The following USP11 variants were observed in gnomAD, a reference collection of about 807,000 sequenced individuals.
USP11 encodes ubiquitin carboxyl-terminal hydrolase 11.
USP11 carries 5 observed loss-of-function variants against 72.8 expected under a neutral mutation model. The observed-to-expected ratio is 0.07, with a 90% confidence interval of 0.04 to 0.14. USP11 has a LOEUF of 0.14. Ranked by LOEUF, USP11 falls within the 10% of genes least tolerant of loss-of-function variation. The pLI is 1.00. For missense variants in USP11, 480 were observed against 794.7 expected (o/e 0.60, Z 4.76); for synonymous variants, 368 against 326.5 (o/e 1.13, Z -1.37).
At chrX:47,242,804 C>A in intron 12 of USP11, 84 bp downstream of exon 12, 1 of 748,161 alleles carries the variant, frequency 1.3e-6, no homozygotes, top group Non-Finnish European at 2.1e-6. Context: ...ACCACCTTCT[C>A]TCTTCCCTGC....
In USP11 at chrX:47,243,621, G is replaced by A. The variant is rs770482016; in HGVS notation, c.1790+19G>A. ...GGCTCTCGTAAGTGTCCTCTTCCCCGGGGGTGGGGGGCGGAGGGGTCTGAA... is the reference window on the plus strand; with the variant it reads ...GGCTCTCGTAAGTGTCCTCTTCCCCAGGGGTGGGGGGCGGAGGGGTCTGAA... On this transcript the variant is annotated intron_variant, in intron 13 of 20. Coordinates refer to ENST00000377107, the MANE Select transcript of USP11 (RefSeq NM_001371072.1). 9.1e-6 allele frequency: 11 copies of A among 1,202,458 alleles called. No individual in the cohort carries two copies. The highest frequency in any genetic ancestry group is 2.3e-4 in the Middle Eastern group (1 of 4,354).
chrX:47,235,554 G>A (rs2055368211), intron 1 of USP11, among the ~76,000 whole-genome samples: 1 of 110,347 alleles, frequency 9.1e-6, no homozygotes, highest in South Asian at 3.8e-4. Context: ...CCTTTATGAA[G>A]CTGGTCTCCT....
At position 47,247,756 on chromosome X, in the gene USP11, C is replaced by T. The variant is rs749846925; in HGVS notation, c.2626-37C>T. ...TCCTTTCTGATTCCACCTCCCCACC[C>T]CCACAATCCACACTGACTCCTGTCC... On this transcript the variant is annotated intron_variant, in intron 20 of 20. Coordinates refer to ENST00000377107, the MANE Select transcript of USP11 (RefSeq NM_001371072.1). The T allele has an allele frequency of 1.5e-5, 18 of 1,206,297 alleles. No individual in the cohort carries two copies. In the Admixed American group the frequency reaches 2.2e-4, roughly 15 times the overall value.
chrX:47,238,931 G>T (rs1041615265), intron 1 of USP11, 139 bp from the exon 2 acceptor site: 3 of 426,389 alleles, frequency 7.0e-6, no homozygotes, highest in Middle Eastern at 5.1e-4. Flanking sequence ...ATTTTGCTTC[G>T]AATTTATTTT....
chrX:47,245,164 C>T, intron 16 of USP11, 78 bp downstream of exon 16: 5 of 1,126,976 alleles, frequency 4.4e-6, no homozygotes, highest in Non-Finnish European at 4.8e-6. Flanking sequence ...CACAACTCCT[C>T]TAGCTGGGAA....
rs896972357 is a variant in USP11, at chrX:47,242,652, C to T, written c.1515C>T (p.His505=). 2 of 1,209,803 alleles carry T rather than the reference C, an allele frequency of 1.7e-6. No individual in the cohort carries two copies. Among genetic ancestry groups the T allele is most frequent in the Non-Finnish European group, 2.2e-6 (2 of 894,677 alleles). ...ERMMVADVFS[H]RFYKLYQLEE... ...TGATGGTGGCTGATGTCTTCAGTCA[C>T]CGCTTCTATAAGCTCTATCAGCTAG... Residue 505 remains histidine, a synonymous_variant, in exon 12 of 21, where the codon CAC becomes CAT. Coordinates refer to ENST00000377107, the MANE Select transcript of USP11 (RefSeq NM_001371072.1).
rs764144707 is a variant in USP11, at chrX:47,247,045, G to A, written c.2271-27G>A. ...CAAAAAAAAAAAAAAGAAAAAGTCC[G>A]TTTGCTGACTCGGGCTCTGTCTGTA... On this transcript the variant is annotated intron_variant, in intron 17 of 20. Coordinates refer to ENST00000377107, the MANE Select transcript of USP11 (RefSeq NM_001371072.1). The A allele has an allele frequency of 1.7e-5, 20 of 1,171,892 alleles. No homozygotes were observed. The South Asian group carries it at 2.1e-4, about 12-fold the overall frequency.
At position 47,239,145 on chromosome X, in the gene USP11, C is replaced by A. The variant is rs2055389503; in HGVS notation, c.252C>A (p.Phe84Leu). Reference protein sequence around the residue: ...VQGGDQDSSTFPGCINNATLF... With the variant: ...VQGGDQDSSTLPGCINNATLF... ...GAGGGGACCAGGACTCCAGCACCTT[C>A]CCTGGCTGCATCAACAATGCCACAC... Residue 84 changes from phenylalanine to leucine, a missense_variant, in exon 2 of 21, where the codon TTC (phenylalanine) becomes TTA (leucine). Transcript: ENST00000377107. The A allele has an allele frequency of 8.3e-7, 1 of 1,209,123 alleles. No individual in the cohort carries two copies.
At chrX:47,233,567 T>C in intron 1 of USP11, 3 of 847,965 alleles carry the variant, frequency 3.5e-6, no homozygotes, top group Non-Finnish European at 4.3e-6. Flanking sequence ...GGGCGCGGCC[T>C]GCGCTGCGTA....
chrX:47,245,585 C>A, intron 17 of USP11, 103 bp downstream of exon 17: 1 of 528,635 alleles, frequency 1.9e-6, no homozygotes, highest in Non-Finnish European at 3.0e-6. Flanking sequence ...GCTCTGTCAA[C>A]CCAGGCTGAA....
intron 19 of USP11, 53 bp downstream of exon 19, chrX:47,247,472 C>T (rs200854010): frequency 3.3e-5 from 39 of 1,167,644 alleles, no homozygotes; most frequent in Middle Eastern, 5.0e-4. Context: ...GGCAGGGGGG[C>T]GATCAGGACC....
At chrX:47,235,360 C>G (rs928474312) in intron 1 of USP11, among the ~76,000 whole-genome samples, 10 of 112,046 alleles carry the variant, frequency 8.9e-5, no homozygotes, top group Non-Finnish European at 1.5e-4. Context: ...GTGATGTTAA[C>G]CTTGATCACT....
intron 1 of USP11, among the ~76,000 whole-genome samples, chrX:47,234,868 G>A (rs2055364575): frequency 9.0e-6 from 1 of 111,394 alleles, no homozygotes; most frequent in Non-Finnish European, 1.9e-5. Context: ...TGCAATTTTT[G>A]TCCATTTTAA....
At chrX:47,245,306 CACT>C (rs1440559057) in intron 16 of USP11, 61 bp from the exon 17 acceptor site, 2 of 1,057,104 alleles carry the variant, frequency 1.9e-6, no homozygotes, top group East Asian at 6.2e-5. Context: ...GCTGGGCCCC[CACT>C]CCCCATTTCT....
At chrX:47,246,006 T>C (rs1238274782) in intron 17 of USP11, among the ~76,000 whole-genome samples, 1 of 111,463 alleles carries the variant, frequency 9.0e-6, no homozygotes, top group East Asian at 2.8e-4. Context: ...AGGACTTCAC[T>C]CCTTACGATG....
At chrX:47,240,726 AC>A (rs766253630) in intron 6 of USP11, 47 bp from the exon 7 acceptor site, 2 of 1,202,300 alleles carry the variant, frequency 1.7e-6, no homozygotes, top group African/African-American at 3.5e-5. Context: ...AGCACATTGC[AC>A]CCCCATGCAG....
At chrX:47,236,793 TTA>T (rs1436269109) in intron 1 of USP11, among the ~76,000 whole-genome samples, 1 of 112,170 alleles carries the variant, frequency 8.9e-6, no homozygotes, top group Non-Finnish European at 1.9e-5. Flanking sequence ...AAATTAAAAT[TTA>T]TGATACCATT....
intron 1 of USP11, among the ~76,000 whole-genome samples, chrX:47,238,342 C>T (rs1356005928): frequency 3.6e-5 from 4 of 109,948 alleles, no homozygotes; most frequent in African/African-American, 1.3e-4. Context: ...CACGTGCCAG[C>T]ACACCTGGCT....
intron 8 of USP11, 32 bp from the exon 9 acceptor site, chrX:47,241,507 CCT>C: frequency 1.7e-6 from 2 of 1,187,995 alleles, no homozygotes; most frequent in Admixed American, 2.3e-5. Flanking sequence ...CTCCTAACTC[CCT>C]CTCTCTCTGA....
Sources: allele counts gnomAD v4.1 joint callset (sites outside exome capture counted in the v4.1 genomes callset), GRCh38; gene constraint gnomAD v4.1.1; transcripts MANE v1.5; gene names NCBI Gene and HGNC (gene_info 2026-07-23, HGNC 2026-07-21).